PTBP3: variants seen among roughly 807,000 people sequenced by gnomAD.
PTBP3 encodes polypyrimidine tract-binding protein 3.
PTBP3 carries 20 observed loss-of-function variants against 58.7 expected under a neutral mutation model. The observed-to-expected ratio is 0.34, with a 90% CI of 0.24 to 0.50. The LOEUF (loss-of-function observed/expected upper bound fraction) is 0.50, where lower values mean the gene tolerates loss of function less well. PTBP3 is among the 20% of genes least tolerant of loss of function. PTBP3 has a pLI of 0.98. For missense variants in PTBP3, 509 were observed against 637.2 expected, an observed-to-expected ratio of 0.80 and a Z score of 2.17; for synonymous variants, 185 against 219.8, an observed-to-expected ratio of 0.84 and a Z score of 1.40.
At chr9:112,368,715 G>T in the PTBP3 span, among the ~76,000 whole-genome samples, 3 of 152,188 alleles carry the variant, frequency 2.0e-5, no homozygotes, top group African/African-American at 4.8e-5. Context: ...AGTGCTTTGG[G>T]CCAGGGGAGA....
At position 112,324,560 on chromosome 9, in the gene PTBP3, G is replaced by C. The variant is rs145106483; in HGVS notation, c.-52+8910C>G. 3.3e-3 allele frequency among the ~76,000 whole-genome samples: 498 copies of C among 152,074 alleles called. 3 individuals carry two copies. Among genetic ancestry groups the C allele is most frequent in the Middle Eastern group, 0.01 (3 of 292 alleles). On this transcript the variant is annotated intron_variant, in intron 1 of 13. Transcript: ENST00000374257. ...AGTTAGTTGGGTGCCTGAGGCACGA[G>C]AATCGCTTGAACCTGGGAGACAGAA...
rs544637725 is a variant in PTBP3, at chr9:112,220,757, T to G, written c.*3094A>C. Reference sequence around the variant, plus strand: ...ATTATTCAAATCTCAAAGTAAATCATTTTGGTGTAATTCGCTACTGTTAAA... The same window carrying G: ...ATTATTCAAATCTCAAAGTAAATCAGTTTGGTGTAATTCGCTACTGTTAAA... On this transcript the variant is annotated 3_prime_UTR_variant, in exon 14 of 14. Coordinates refer to ENST00000374257, the MANE Select transcript of PTBP3 (RefSeq NM_001163788.4). 1.0e-6 allele frequency: 1 copy of G among 984,000 alleles called. No homozygotes were observed. The highest frequency in any genetic ancestry group is 1.1e-4 in the East Asian group (1 of 8,834). The allele number at this position is 984,000 out of a possible 1,614,324, so 61.0% of individuals were successfully genotyped here.
chr9:112,302,813 C>G (rs540443074), intron 1 of PTBP3, among the ~76,000 whole-genome samples: 35 of 152,250 alleles, frequency 2.3e-4, no homozygotes, highest in Non-Finnish European at 4.0e-4. Context: ...TGGTCTCGAA[C>G]TCCTGACCTC....
chr9:112,258,577 AT>A (rs1447005114), intron 5 of PTBP3, among the ~76,000 whole-genome samples: 1 of 152,050 alleles, frequency 6.6e-6, no homozygotes. Flanking sequence ...TATTATTACT[AT>A]TATTTACTTA....
At position 112,333,424 on chromosome 9, in the gene PTBP3, G is replaced by A. The variant is rs779348653; in HGVS notation, c.-52+46C>T. The A allele has an allele frequency of 4.5e-6, 7 of 1,559,964 alleles. No homozygotes were observed. The East Asian group carries it at 1.5e-4, about 34-fold the overall frequency. The stretch of plus-strand genomic sequence containing the variant: ...GTCCCGCGGAGAGCCGGGTGGAAGC[G>A]GCGCCAAGGCAACCCGGTGCGGCCG... On this transcript the variant is annotated intron_variant, in intron 1 of 13. Transcript: ENST00000374257.
At chr9:112,283,985 G>A (rs1589864425) in intron 2 of PTBP3, among the ~76,000 whole-genome samples, 1 of 152,236 alleles carries the variant, frequency 6.6e-6, no homozygotes, top group Non-Finnish European at 1.5e-5. Flanking sequence ...AGTTGAATTT[G>A]GGGAACCTCC....
chr9:112,357,322 G>A, the PTBP3 span, among the ~76,000 whole-genome samples: 4 of 152,022 alleles, frequency 2.6e-5, no homozygotes, highest in South Asian at 2.1e-4. Flanking sequence ...TTCCAGTAGT[G>A]TTCTTTTTGT....
At chr9:112,271,294 A>G (rs1011561788) in intron 3 of PTBP3, among the ~76,000 whole-genome samples, 2 of 152,234 alleles carry the variant, frequency 1.3e-5, no homozygotes, top group East Asian at 1.9e-4. Context: ...TTAGATACTT[A>G]CTAGCTGAGC....
In PTBP3 at chr9:112,319,404, C is replaced by T. The variant is rs548811061; in HGVS notation, c.-52+14066G>A. Among the ~76,000 whole-genome samples, 4 of 152,096 alleles carry T rather than the reference C, an allele frequency of 2.6e-5. No individual in the cohort carries two copies. In the South Asian group the frequency reaches 8.3e-4, roughly 32 times the overall value. ...ATAAAAAAATAGCCAGGTGTGGTAG[C>T]GTGTGCCTATAGTCCCAGGTATTCA... On this transcript the variant is annotated intron_variant, in intron 1 of 13. Coordinates refer to ENST00000374257, the MANE Select transcript of PTBP3 (RefSeq NM_001163788.4).
At chr9:112,286,145 T>C (rs1248220485) in intron 2 of PTBP3, among the ~76,000 whole-genome samples, 1 of 152,236 alleles carries the variant, frequency 6.6e-6, no homozygotes, top group Non-Finnish European at 1.5e-5. Context: ...TTTTTATGAT[T>C]AGTGTTTGCA....
intron 1 of PTBP3, among the ~76,000 whole-genome samples, chr9:112,311,281 T>A (rs373007779): frequency 2.0e-5 from 3 of 152,060 alleles, no homozygotes; most frequent in Admixed American, 6.5e-5. Flanking sequence ...TTGAAAATAT[T>A]TGGAAAAAAA....
chr9:112,309,047 G>A (rs1829359654), intron 1 of PTBP3, among the ~76,000 whole-genome samples: 1 of 152,176 alleles, frequency 6.6e-6, no homozygotes, highest in African/African-American at 2.4e-5. Flanking sequence ...GGATGATTCT[G>A]AAAATAAACC....
the PTBP3 span, among the ~76,000 whole-genome samples, chr9:112,351,154 T>C: frequency 6.6e-6 from 1 of 152,186 alleles, no homozygotes; most frequent in Non-Finnish European, 1.5e-5. Context: ...TTTTACCTAG[T>C]ATTATATTTC....
chr9:112,302,916 T>C (rs1401568832), intron 1 of PTBP3, among the ~76,000 whole-genome samples: 4 of 152,212 alleles, frequency 2.6e-5, no homozygotes, highest in African/African-American at 9.6e-5. Context: ...AATGCACACA[T>C]GCCATTTCAG....
intron 10 of PTBP3, among the ~76,000 whole-genome samples, chr9:112,228,790 G>A (rs544032664): frequency 6.6e-6 from 1 of 152,266 alleles, no homozygotes; most frequent in African/African-American, 2.4e-5. Flanking sequence ...AAACCTGGGA[G>A]TCATCTTTTG....
At chr9:112,293,589 A>C (rs1297999686) in intron 2 of PTBP3, among the ~76,000 whole-genome samples, 1 of 152,210 alleles carries the variant, frequency 6.6e-6, no homozygotes, top group Non-Finnish European at 1.5e-5. Context: ...GCCCCCTTGA[A>C]GCTGGTGTGT....
chr9:112,220,268 A>G lies in PTBP3; in HGVS notation c.*3583T>C. ...CACTGCTGACTGATGGCACGGAGAC[A>G]CTGAAAAGAACAGAGAGCCAGGCGT... On this transcript the variant is annotated 3_prime_UTR_variant, in exon 14 of 14. Transcript: ENST00000374257. 7.5e-7 allele frequency: 1 copy of G among 1,337,930 alleles called. No homozygotes were observed. The highest frequency in any genetic ancestry group is 9.8e-7 in the Non-Finnish European group (1 of 1,015,254). The allele number at this position is 1,337,930 out of a possible 1,614,324, so 82.9% of individuals were successfully genotyped here. A position where few individuals can be genotyped will look rare whatever the true frequency, so the allele number is the denominator to read the frequency against.
At chr9:112,307,463 TA>T (rs1829269550) in intron 1 of PTBP3, among the ~76,000 whole-genome samples, 1 of 151,902 alleles carries the variant, frequency 6.6e-6, no homozygotes, top group South Asian at 2.1e-4. Flanking sequence ...AAATAAAAAA[TA>T]AAAAAGATAA....
chr9:112,288,195 T>G (rs895050728), intron 2 of PTBP3, among the ~76,000 whole-genome samples: 1 of 152,154 alleles, frequency 6.6e-6, no homozygotes. Context: ...TGCCCTTGAG[T>G]GTGCTTCAAG....
Sources: gnomAD v4.1 joint callset for allele counts (sites outside exome capture counted in the v4.1 genomes callset) on GRCh38, gnomAD v4.1.1 for gene constraint, MANE v1.5 for transcripts, NCBI Gene and HGNC (gene_info 2026-07-23, HGNC 2026-07-21) for gene names.